Variants in CPNE3 observed in about 807,000 individuals in gnomAD.
CPNE3 encodes the protein copine-3.
In CPNE3, 68 loss-of-function variants were observed where a neutral mutation model predicts 63.9. The observed-to-expected ratio is 1.06, with a 90% CI of 0.87 to 1.30. The LOEUF is 1.30. Among genes scored for constraint, CPNE3 ranks in the 50% most tolerant of loss-of-function variants. The pLI is 0.00. For missense variants in CPNE3, 665 were observed against 578.1 expected (o/e 1.15, Z -1.54); for synonymous variants, 219 against 197.5 (o/e 1.11, Z -0.91).
intron 2 of CPNE3, among the ~76,000 whole-genome samples, chr8:86,516,685 C>T (rs777578936): frequency 1.1e-4 from 16 of 152,166 alleles, no homozygotes; most frequent in Non-Finnish European, 2.1e-4. Flanking sequence ...CCACCACACC[C>T]GGCCCTATCA....
chr8:86,533,030 A>ATCTG (rs928787850), intron 6 of CPNE3, among the ~76,000 whole-genome samples: 4 of 142,634 alleles, frequency 2.8e-5, no homozygotes, highest in South Asian at 2.1e-4. Flanking sequence ...TATCTTATCT[A>ATCTG]TCTATCTATC....
At chr8:86,549,848 G>A (rs1166910070) in intron 12 of CPNE3, among the ~76,000 whole-genome samples, 1 of 152,186 alleles carries the variant, frequency 6.6e-6, no homozygotes, top group Non-Finnish European at 1.5e-5. Context: ...GCATGATTCA[G>A]AAGTGGCTGG....
Position 86,548,451 on chromosome 8 carries a change from A to G in CPNE3, c.1013+17A>G, listed in dbSNP as rs1484232305. 6.2e-7 allele frequency: 1 copy of G among 1,613,682 alleles called. No individual in the cohort carries two copies. Among genetic ancestry groups the G allele is most frequent in the Non-Finnish European group, 8.5e-7 (1 of 1,179,798 alleles). On this transcript the variant is annotated intron_variant, in intron 12 of 16. Coordinates refer to ENST00000517490, the MANE Select transcript of CPNE3 (RefSeq NM_003909.5). The stretch of plus-strand genomic sequence containing the variant: ...TTATGATGCGTGAGTATGACTTTGG[A>G]AAAACTAAAATACATGTTTTCACAA...
At chr8:86,515,571 A>G (rs574280978) in intron 2 of CPNE3, 72 bp downstream of exon 2, 67 of 152,328 alleles carry the variant, frequency 4.4e-4, no homozygotes, top group African/African-American at 1.5e-3. Context: ...TGCTTAATGT[A>G]AAAGAACATT....
At chr8:86,556,407 G>A (rs180681097) in intron 16 of CPNE3, 69 bp downstream of exon 16, 11,862 of 845,760 alleles carry the variant, frequency 0.014, 126 homozygotes, top group Non-Finnish European at 0.019. Flanking sequence ...TCTACAACCA[G>A]GCAGTTGATT....
At chr8:86,535,315 A>G (rs1476814585) in intron 6 of CPNE3, among the ~76,000 whole-genome samples, 1 of 144,734 alleles carries the variant, frequency 6.9e-6, no homozygotes. Flanking sequence ...CAGATACAGA[A>G]AAGACTTTTT....
At position 86,551,211 on chromosome 8, in the gene CPNE3, A is replaced by G. The variant is rs1172623086; in HGVS notation, c.1097A>G (p.Asn366Ser). The change falls in exon 14 of 17, where the codon AAC becomes AGC. Residue 366 changes from asparagine to serine, a missense_variant. Physicochemically the swap from Asn to Ser is conservative, Grantham distance 46 (BLOSUM62 1). Coordinates refer to ENST00000517490, the MANE Select transcript of CPNE3 (RefSeq NM_003909.5). ...QVSHEFPMNF[N>S]PSNPYCNGIQ... ...TCACATGAATTTCCAATGAACTTCA[A>G]CCCATCCAATCCCTACTGCAATGGT... 12 of 1,607,756 alleles carry G rather than the reference A, an allele frequency of 7.5e-6. No individual in the cohort carries two copies. The highest frequency in any genetic ancestry group is 7.7e-6 in the Non-Finnish European group (9 of 1,174,408).
intron 14 of CPNE3, among the ~76,000 whole-genome samples, chr8:86,552,955 A>C (rs1325632395): frequency 3.2e-3 from 20 of 6,332 alleles, no homozygotes; most frequent in Non-Finnish European, 8.9e-3. Flanking sequence ...TTCTCCTGCC[A>C]CAGCCCGCCC....
intron 2 of CPNE3, among the ~76,000 whole-genome samples, chr8:86,519,943 C>T (rs1820395461): frequency 6.6e-6 from 1 of 152,066 alleles, no homozygotes; most frequent in Admixed American, 6.5e-5. Flanking sequence ...AACTACTGAC[C>T]TCAGACCATC....
intron 8 of CPNE3, among the ~76,000 whole-genome samples, chr8:86,543,196 G>T (rs912442025): frequency 1.3e-5 from 2 of 152,024 alleles, no homozygotes; most frequent in Non-Finnish European, 2.9e-5. Flanking sequence ...TTAAAAATTG[G>T]ATACTGAGTA....
chr8:86,525,871 C>A (rs1444431984), intron 2 of CPNE3, among the ~76,000 whole-genome samples: 1 of 152,122 alleles, frequency 6.6e-6, no homozygotes, highest in East Asian at 1.9e-4. Context: ...ATACAACTTA[C>A]AAGACTCTAA....
intron 2 of CPNE3, among the ~76,000 whole-genome samples, chr8:86,517,956 G>A (rs569330723): frequency 7.2e-5 from 11 of 152,270 alleles, no homozygotes; most frequent in Non-Finnish European, 8.8e-5. Flanking sequence ...CAGCTGAAAC[G>A]ATGTGTTAAG....
intron 15 of CPNE3, among the ~76,000 whole-genome samples, 165 bp downstream of exon 15, chr8:86,555,149 C>T (rs1444481891): frequency 1.3e-5 from 2 of 151,396 alleles, no homozygotes; most frequent in East Asian, 3.9e-4. Flanking sequence ...TACTAGTGAT[C>T]GTTAAAAATA....
At chr8:86,528,386 G>A (rs1437662534) in intron 2 of CPNE3, 150 bp from the exon 3 acceptor site, 1 of 666,720 alleles carries the variant, frequency 1.5e-6, no homozygotes, top group Non-Finnish European at 2.5e-6. Context: ...ACATCCTGAG[G>A]AGGTGCATAT....
chr8:86,541,494 A>G (rs1820937424), intron 8 of CPNE3, among the ~76,000 whole-genome samples: 1 of 152,070 alleles, frequency 6.6e-6, no homozygotes, highest in African/African-American at 2.4e-5. Context: ...GCCTGAGCTC[A>G]GGAGTTTGAG....
chr8:86,535,439 GGGT>G (rs1820782365), intron 6 of CPNE3, among the ~76,000 whole-genome samples: 1 of 152,054 alleles, frequency 6.6e-6, no homozygotes, highest in African/African-American at 2.4e-5. Context: ...TCTGGGAGGT[GGGT>G]GGAACACTTG....
chr8:86,541,042 A>C (rs539676732), intron 8 of CPNE3, among the ~76,000 whole-genome samples: 1 of 152,200 alleles, frequency 6.6e-6, no homozygotes, highest in Admixed American at 6.5e-5. Context: ...ACATGATTAC[A>C]GATAGAGGTC....
chr8:86,532,476 A>G, intron 5 of CPNE3, 33 bp from the exon 6 acceptor site: 1 of 1,552,002 alleles, frequency 6.4e-7, no homozygotes, highest in South Asian at 1.2e-5. Context: ...TTCCTAAAAC[A>G]TATTTTCTTT....
chr8:86,546,685 C>T lies in CPNE3; in HGVS notation c.819+4C>T, dbSNP rs770744285. 1.3e-5 allele frequency: 20 copies of T among 1,594,268 alleles called. No homozygotes were observed. The highest frequency in any genetic ancestry group is 1.2e-4 in the South Asian group (10 of 85,506). On this transcript the variant is annotated splice_donor_region_variant and intron_variant, in intron 10 of 16. Transcript: ENST00000517490. ...TATCAGTGTGAAACAGTGTGAGGTC[C>T]GTTGGCCTTGGCTACTTATTTTTAT... is the stretch of plus-strand genomic sequence containing the variant.
Sources: gnomAD v4.1 joint callset for allele counts (sites outside exome capture counted in the v4.1 genomes callset) on GRCh38, gnomAD v4.1.1 for gene constraint, MANE v1.5 for transcripts, NCBI Gene and HGNC (gene_info 2026-07-23, HGNC 2026-07-21) for gene names.